FGF20: variants seen among roughly 807,000 people sequenced by gnomAD.
FGF20 encodes fibroblast growth factor 20.
In FGF20, 8 loss-of-function variants were observed where a neutral mutation model predicts 16.7. That is an observed-to-expected ratio of 0.48 (90% confidence interval 0.28 to 0.87). FGF20 has a LOEUF of 0.87. FGF20 is among the 40% of genes least tolerant of loss of function. The pLI, the probability that FGF20 is intolerant of heterozygous loss-of-function variation, is 0.10. For missense variants in FGF20, 397 were observed against 281.4 expected (o/e 1.41, Z -2.94); for synonymous variants, 161 against 118.6 (o/e 1.36, Z -2.32).
rs1382953827 is a variant in FGF20, at chr8:17,001,908, C to G, written c.125G>C (p.Ser42Thr). The G allele has an allele frequency of 6.7e-7, 1 of 1,485,860 alleles. No homozygotes were observed. The highest frequency in any genetic ancestry group is 3.0e-5 in the East Asian group (1 of 33,106). The allele number at this position is 1,485,860 out of a possible 1,614,324, so 92.0% of individuals were successfully genotyped here. ...ERPPLLGERR[S>T]AAERSARGGP... ...GCCGCGCGCGCTCCGCTCCGCCGCG[C>G]TCCTGCGCTCGCCCAGCAGCGGCGG... Residue 42 changes from serine to threonine, a missense_variant, in exon 1 of 3, where the codon AGC (serine) becomes ACC (threonine). Transcript: ENST00000180166.
chr8:16,999,456 C>A (rs1444645895), intron 1 of FGF20, among the ~76,000 whole-genome samples: 1 of 148,110 alleles, frequency 6.8e-6, no homozygotes, highest in Admixed American at 6.8e-5. Context: ...TAAACATACA[C>A]AAAGTAAAAG....
rs145015023 is a variant in FGF20, at chr8:16,995,107, G to A, written c.390+548C>T. Among the ~76,000 whole-genome samples the A allele has an allele frequency of 1.6e-4, 24 of 152,250 alleles. No homozygotes were observed. The East Asian group carries it at 4.3e-3, about 27-fold the overall frequency. On this transcript the variant is annotated intron_variant, in intron 2 of 2. Transcript: ENST00000180166. Reference sequence around the variant, plus strand: ...CCCAGGAGCAACTTAAAAATTGCCCGATACAACTTTGAATGAGCCCATGGC... The same window carrying A: ...CCCAGGAGCAACTTAAAAATTGCCCAATACAACTTTGAATGAGCCCATGGC...
intron 1 of FGF20, 123 bp from the exon 2 acceptor site, chr8:16,995,881 T>C: frequency 1.8e-6 from 1 of 549,720 alleles, no homozygotes; most frequent in South Asian, 3.1e-5. Context: ...ATGATGTACG[T>C]GTAAAAGTCC....
In FGF20 at chr8:17,002,139, A is replaced by T; in HGVS notation, c.-107T>A. 3.3e-6 allele frequency: 4 copies of T among 1,214,946 alleles called. No homozygotes were observed. Among genetic ancestry groups the T allele is most frequent in the Non-Finnish European group, 4.3e-6 (4 of 926,134 alleles). 75.3% of individuals were successfully genotyped at this position (1,214,946 alleles called of 1,614,324 possible). ...ATAGCAAAACGAGCGCAAAAAGTTA[A>T]GGCCCGGTTACTCCTCTGAGGTCGC... On this transcript the variant is annotated 5_prime_UTR_variant, in exon 1 of 3. Transcript: ENST00000180166.
rs559279440 is a variant in FGF20 at position 16,997,156 on chromosome 8, A to C, written c.287-1398T>G. On this transcript the variant is annotated intron_variant, in intron 1 of 2. Transcript: ENST00000180166. Reference sequence around the variant, plus strand: ...TAAATACACTGATAAACCACAGTTTAAAAAAGAAAAACTTAACACCTCCCT... The same window carrying C: ...TAAATACACTGATAAACCACAGTTTCAAAAAGAAAAACTTAACACCTCCCT... Among the ~76,000 whole-genome samples the C allele has an allele frequency of 2.6e-5, 4 of 152,344 alleles. 1 individual carries two copies. The highest frequency in any genetic ancestry group is 9.6e-5 in the African/African-American group (4 of 41,578).
Position 16,993,331 on chromosome 8 carries a change from G to T in FGF20, c.391-14C>A. ...AGTAAGTTTCTCCTGAAAGAGAGAAGATAACTATTATTTTTTAAAAAAATA... is the reference window on the plus strand; with the variant it reads ...AGTAAGTTTCTCCTGAAAGAGAGAATATAACTATTATTTTTTAAAAAAATA... On this transcript the variant is annotated splice_polypyrimidine_tract_variant and intron_variant, in intron 2 of 2. Coordinates refer to ENST00000180166, the MANE Select transcript of FGF20 (RefSeq NM_019851.3). The T allele has an allele frequency of 1.3e-6, 2 of 1,580,494 alleles. No individual in the cohort carries two copies. The highest frequency in any genetic ancestry group is 1.7e-6 in the Non-Finnish European group (2 of 1,165,914).
At chr8:16,995,433 C>A (rs17515184) in intron 2 of FGF20, among the ~76,000 whole-genome samples, 3,291 of 152,168 alleles carry the variant, frequency 0.022, 56 homozygotes, top group Non-Finnish European at 0.033. Flanking sequence ...ATAGGAAGAA[C>A]TAATGAGCTG....
intron 1 of FGF20, among the ~76,000 whole-genome samples, chr8:16,996,299 C>G (rs764556918): frequency 5.9e-5 from 9 of 152,098 alleles, no homozygotes; most frequent in African/African-American, 1.7e-4. Flanking sequence ...GGAGAAAGTA[C>G]TACGACAATG....
intron 1 of FGF20, among the ~76,000 whole-genome samples, chr8:16,999,688 A>AT (rs59591258): frequency 0.31 from 40,496 of 132,616 alleles, 6,394 homozygotes; most frequent in East Asian, 0.46. Context: ...CGCCCAGCTA[A>AT]TTTTTTTTTT....
intron 1 of FGF20, 126 bp downstream of exon 1, chr8:17,001,621 C>T: frequency 8.7e-7 from 1 of 1,154,536 alleles, no homozygotes; most frequent in Non-Finnish European, 1.2e-6. Context: ...CCGGATGGGT[C>T]CAGGGGAGCT....
chr8:17,001,919 GC>G lies in FGF20; in HGVS notation c.113del (p.Gly38AlafsTer84). ...PPAGERPPLL[G>X]ERRSAAERSA... ...TCCGCTCCGCCGCGCTCCTGCGCTC[GC>G]CCAGCAGCGGCGGCCGCTCCCCGGC... On this transcript the variant is annotated frameshift_variant, in exon 1 of 3. Transcript: ENST00000180166. LOFTEE classifies it high-confidence loss of function. 6.7e-7 allele frequency: 1 copy of G among 1,489,204 alleles called. No homozygotes were observed. The highest frequency in any genetic ancestry group is 8.9e-7 in the Non-Finnish European group (1 of 1,121,026). The allele number at this position is 1,489,204 out of a possible 1,614,324, so 92.2% of individuals were successfully genotyped here. A position where few individuals can be genotyped will look rare whatever the true frequency, so the allele number is the denominator to read the frequency against.
intron 2 of FGF20, among the ~76,000 whole-genome samples, chr8:16,995,097 A>G (rs189485433): frequency 2.9e-4 from 44 of 152,334 alleles, no homozygotes; most frequent in African/African-American, 9.9e-4. Flanking sequence ...GAGCAACTTA[A>G]AAATTGCCCG....
At chr8:16,998,024 G>C (rs1242547877) in intron 1 of FGF20, among the ~76,000 whole-genome samples, 1 of 152,104 alleles carries the variant, frequency 6.6e-6, no homozygotes, top group East Asian at 1.9e-4. Flanking sequence ...TAAGTGATTA[G>C]AATGTAGAAT....
chr8:16,999,430 C>T (rs935612188), intron 1 of FGF20, among the ~76,000 whole-genome samples: 2 of 151,802 alleles, frequency 1.3e-5, no homozygotes, highest in Non-Finnish European at 2.9e-5. Context: ...AATCTCTCCC[C>T]ATAGGGTCAG....
intron 2 of FGF20, among the ~76,000 whole-genome samples, chr8:16,994,774 A>G (rs17550248): frequency 2.6e-3 from 398 of 152,332 alleles, no homozygotes; most frequent in African/African-American, 9.2e-3. Flanking sequence ...AGAGACTTCA[A>G]CCTCAAGAAA....
In FGF20 at chr8:17,002,269, C is replaced by A; in HGVS notation, c.-237G>T. 1 of 448,130 alleles carries A rather than the reference C, an allele frequency of 2.2e-6. No homozygotes were observed. The highest frequency in any genetic ancestry group is 4.1e-5 in the East Asian group (1 of 24,448). 27.8% of individuals were successfully genotyped at this position (448,130 alleles called of 1,614,324 possible). On this transcript the variant is annotated 5_prime_UTR_variant, in exon 1 of 3. Transcript: ENST00000180166. Reference sequence around the variant, plus strand: ...CCGGCTGCTGGCTCTGCAGAAATATCTATAGCTGCCGCTGCCAATACTAGG... The same window carrying A: ...CCGGCTGCTGGCTCTGCAGAAATATATATAGCTGCCGCTGCCAATACTAGG...
At chr8:16,993,812 C>T (rs1809976910) in intron 2 of FGF20, among the ~76,000 whole-genome samples, 1 of 152,196 alleles carries the variant, frequency 6.6e-6, no homozygotes, top group South Asian at 2.1e-4. Flanking sequence ...AAGAAGCATG[C>T]AACCCAGATC....
chr8:16,996,825 A>G lies in FGF20; in HGVS notation c.287-1067T>C, dbSNP rs1236239230. 2.0e-5 allele frequency among the ~76,000 whole-genome samples: 3 copies of G among 152,228 alleles called. No individual in the cohort carries two copies. In the East Asian group the frequency reaches 5.8e-4, roughly 29 times the overall value. ...TATTGACTTGCCTAAGGGACATGAT[A>G]TTTATAAATGGTAGAACTGACATTT... is the stretch of plus-strand genomic sequence containing the variant. On this transcript the variant is annotated intron_variant, in intron 1 of 2. Coordinates refer to ENST00000180166, the MANE Select transcript of FGF20 (RefSeq NM_019851.3).
chr8:16,994,299 T>C (rs959407625), intron 2 of FGF20, among the ~76,000 whole-genome samples: 2 of 152,196 alleles, frequency 1.3e-5, no homozygotes, highest in Non-Finnish European at 1.5e-5. Context: ...CTCCAAATCA[T>C]ATATCTTCTC....
Sources: allele counts gnomAD v4.1 joint callset (sites outside exome capture counted in the v4.1 genomes callset), GRCh38; gene constraint gnomAD v4.1.1; transcripts MANE v1.5; gene names NCBI Gene and HGNC (gene_info 2026-07-23, HGNC 2026-07-21).